The following DOCK8 variants were observed in gnomAD, a reference collection of about 807,000 sequenced individuals.
The protein encoded by DOCK8 is dedicator of cytokinesis 8.
Under a neutral mutation model 245.6 loss-of-function variants are expected in DOCK8, and 141 were observed. The ratio of observed to expected loss-of-function variants is 0.57; its 90% CI spans 0.50 to 0.66. DOCK8 has a LOEUF of 0.66. DOCK8 is among the 30% of genes least tolerant of loss of function. The pLI is 0.00. For synonymous variants in DOCK8, 1,168 were observed against 970.2 expected (o/e 1.20, Z -3.79); for missense variants, 2,965 against 2,603.4 (o/e 1.14, Z -3.02).
rs1253126997 is a variant in DOCK8 at position 451,975 on chromosome 9, ATATTTTTTTTTTTTT to A, written c.5962-34_5962-20del. On this transcript the variant is annotated intron_variant, in intron 45 of 47. Transcript: ENST00000432829. ...TGTGTGTATATATATATATATATAT[ATATTTTTTTTTTTTT>A]TTTTTTTTTTTTCCCACCAGGGACC... The A allele has an allele frequency of 9.7e-4, 218 of 225,084 alleles. 2 individuals are homozygous for A. The highest frequency in any genetic ancestry group is 3.1e-3 in the South Asian group (47 of 15,408). The allele number at this position is 225,084 out of a possible 1,614,324, so 13.9% of individuals were successfully genotyped here.
At chr9:269,046 T>G (rs1296922114) in intron 1 of DOCK8, among the ~76,000 whole-genome samples, 1 of 152,238 alleles carries the variant, frequency 6.6e-6, no homozygotes, top group Non-Finnish European at 1.5e-5. Flanking sequence ...TATTTACACG[T>G]ACACCTATCT....
intron 26 of DOCK8, among the ~76,000 whole-genome samples, chr9:401,005 T>C (rs1395028781): frequency 7.9e-4 from 39 of 49,538 alleles, no homozygotes; most frequent in Non-Finnish European, 8.2e-4. Context: ...CCACCACCAT[T>C]AGCTCCACCA....
chr9:407,865 C>T (rs987531167), intron 28 of DOCK8, among the ~76,000 whole-genome samples: 3 of 152,178 alleles, frequency 2.0e-5, no homozygotes, highest in Non-Finnish European at 2.9e-5. Flanking sequence ...CTCAAGAGCT[C>T]ACCATCCAGG....
At chr9:363,019 T>C (rs955897543) in intron 14 of DOCK8, among the ~76,000 whole-genome samples, 7 of 152,184 alleles carry the variant, frequency 4.6e-5, no homozygotes, top group African/African-American at 1.7e-4. Flanking sequence ...AGCTGCTCAA[T>C]TACAGCAGTT....
At chr9:215,332 G>A in intron 1 of DOCK8, 2 of 1,602,424 alleles carry the variant, frequency 1.2e-6, no homozygotes, top group South Asian at 1.1e-5. Flanking sequence ...CTTACAGGTG[G>A]CCGGGTCCCA....
At chr9:387,819 T>G (rs2054018556) in intron 23 of DOCK8, among the ~76,000 whole-genome samples, 1 of 152,262 alleles carries the variant, frequency 6.6e-6, no homozygotes, top group Non-Finnish European at 1.5e-5. Flanking sequence ...TTTTCCTTTC[T>G]TAAAAACCAT....
chr9:371,513 A>G lies in DOCK8; in HGVS notation c.1954A>G (p.Ile652Val), dbSNP rs1381340726. 6.2e-7 allele frequency: 1 copy of G among 1,614,082 alleles called. No homozygotes were observed. The highest frequency in any genetic ancestry group is 1.3e-5 in the African/African-American group (1 of 74,936). The part of the protein sequence containing the change: ...NHHLLFTFYH[I>V]SCQQKQGASV... ...CCACCTCCTGTTCACCTTCTACCAT[A>G]TCAGCTGTCAGCAGAAGCAAGGAGC... The change falls in exon 17 of 48, where the codon ATC becomes GTC. Residue 652 changes from isoleucine (I) to valine (V), a missense_variant. Physicochemically the swap from Ile to Val is conservative, Grantham distance 29. Coordinates refer to ENST00000432829, the MANE Select transcript of DOCK8 (RefSeq NM_203447.4).
chr9:219,107 T>C (rs920638865), intron 1 of DOCK8, among the ~76,000 whole-genome samples: 21 of 152,242 alleles, frequency 1.4e-4, no homozygotes, highest in Admixed American at 1.4e-3. Context: ...GTAACATTTA[T>C]TAATTATTTA....
chr9:236,906 C>T (rs12236521), intron 1 of DOCK8, among the ~76,000 whole-genome samples: 1 of 152,304 alleles, frequency 6.6e-6, no homozygotes, highest in East Asian at 1.9e-4. Context: ...TTAAATACCT[C>T]CACTCAACAC....
chr9:333,752 G>C (rs1033456093), intron 10 of DOCK8, among the ~76,000 whole-genome samples: 5 of 151,894 alleles, frequency 3.3e-5, no homozygotes, highest in African/African-American at 1.2e-4. Flanking sequence ...GAACACCTTG[G>C]AAGTATTGTA....
chr9:242,235 C>T lies in DOCK8; in HGVS notation c.53+27206C>T, dbSNP rs142268471. On this transcript the variant is annotated intron_variant, in intron 1 of 47. Coordinates refer to ENST00000432829, the MANE Select transcript of DOCK8 (RefSeq NM_203447.4). Reference sequence around the variant, plus strand: ...ATCTGCCTAGTGGGTCCACTCCCCACCTCACCACCCCCCAAAAAATGACTG... The same window carrying T: ...ATCTGCCTAGTGGGTCCACTCCCCATCTCACCACCCCCCAAAAAATGACTG... Among the ~76,000 whole-genome samples, 702 of 152,252 alleles carry T rather than the reference C, an allele frequency of 4.6e-3. 5 individuals carry two copies. Among genetic ancestry groups the T allele is most frequent in the African/African-American group, 0.016 (672 of 41,546 alleles).
intron 6 of DOCK8, among the ~76,000 whole-genome samples, chr9:315,993 GC>G (rs1342761836): frequency 3.3e-5 from 5 of 152,082 alleles, no homozygotes; most frequent in Non-Finnish European, 7.4e-5. Flanking sequence ...AATAAACTCA[GC>G]CATTCCACCC....
At chr9:334,023 A>C (rs555564014) in intron 10 of DOCK8, among the ~76,000 whole-genome samples, 5 of 142,758 alleles carry the variant, frequency 3.5e-5, no homozygotes, top group Non-Finnish European at 7.6e-5. Context: ...CTCGTTTTTT[A>C]ATCTTTATTT....
chr9:395,142 T>C (rs2054386732), intron 24 of DOCK8, among the ~76,000 whole-genome samples: 1 of 152,148 alleles, frequency 6.6e-6, no homozygotes. Context: ...ATTCGGGTCT[T>C]CTCACCAGGT....
intron 46 of DOCK8, among the ~76,000 whole-genome samples, chr9:454,067 A>G (rs541972528): frequency 1.3e-5 from 2 of 152,224 alleles, no homozygotes; most frequent in African/African-American, 4.8e-5. Context: ...TAACTACAGG[A>G]CTATAAAGAT....
chr9:449,675 TC>T, intron 44 of DOCK8, 108 bp from the exon 45 acceptor site: 1 of 1,397,672 alleles, frequency 7.2e-7, no homozygotes, highest in East Asian at 2.3e-5. Context: ...TGAAAGTCTT[TC>T]CCTAGCTGCC....
At chr9:453,183 GAC>G (rs2057521394) in intron 46 of DOCK8, among the ~76,000 whole-genome samples, 1 of 152,222 alleles carries the variant, frequency 6.6e-6, no homozygotes. Flanking sequence ...ATATACAGGA[GAC>G]ACACTGTGCC....
In DOCK8 at chr9:304,486, T is replaced by C. The variant is rs16926513; in HGVS notation, c.405-95T>C. 4,898 of 1,524,900 alleles carry C rather than the reference T, an allele frequency of 3.2e-3. 142 individuals carry two copies. The African/African-American group carries it at 0.06, about 19-fold the overall frequency. The allele number at this position is 1,524,900 out of a possible 1,614,324, so 94.5% of individuals were successfully genotyped here. On this transcript the variant is annotated intron_variant, in intron 4 of 47. Coordinates refer to ENST00000432829, the MANE Select transcript of DOCK8 (RefSeq NM_203447.4). The stretch of plus-strand genomic sequence containing the variant: ...CTCTTTGAAAGCTCTCTCAGCACCA[T>C]GTCTACACTTAAGCCATTACTTTTA...
intron 14 of DOCK8, among the ~76,000 whole-genome samples, chr9:345,416 A>G (rs955257721): frequency 8.5e-5 from 13 of 152,198 alleles, no homozygotes; most frequent in Admixed American, 7.9e-4. Context: ...TTTCAAATTA[A>G]TGTGCCCTTA....
Sources: allele counts gnomAD v4.1 joint callset (sites outside exome capture counted in the v4.1 genomes callset), GRCh38; gene constraint gnomAD v4.1.1; transcripts MANE v1.5; gene names NCBI Gene and HGNC (gene_info 2026-07-23, HGNC 2026-07-21).